The following CHST9 variants were observed in gnomAD, a reference collection of about 807,000 sequenced individuals.
CHST9 encodes the protein carbohydrate sulfotransferase 9.
A neutral mutation model predicts 44.4 loss-of-function variants in CHST9; 41 were observed. The observed-to-expected ratio is 0.92, with a 90% confidence interval of 0.72 to 1.20. The LOEUF is 1.20. Ranked by LOEUF, CHST9 falls within the 50% of genes most tolerant of loss-of-function variation. The pLI, the probability that CHST9 is intolerant of heterozygous loss-of-function variation, is 0.00. For missense variants in CHST9, 504 were observed against 516.5 expected (o/e 0.98, Z 0.23); for synonymous variants, 171 against 178.4 (o/e 0.96, Z 0.33).
At chr18:27,143,462 A>T (rs1255991055) in intron 1 of CHST9, among the ~76,000 whole-genome samples, 3 of 152,180 alleles carry the variant, frequency 2.0e-5, no homozygotes, top group Non-Finnish European at 4.4e-5. Context: ...CTCCCACAAT[A>T]ACATGAAATT....
intron 5 of CHST9, among the ~76,000 whole-genome samples, chr18:26,928,048 C>G (rs1415368020): frequency 6.6e-6 from 1 of 152,164 alleles, no homozygotes; most frequent in Non-Finnish European, 1.5e-5. Flanking sequence ...TCCTGCATAG[C>G]CCTAAATCCA....
chr18:27,079,176 G>T (rs1384983172), intron 2 of CHST9, among the ~76,000 whole-genome samples: 1 of 152,102 alleles, frequency 6.6e-6, no homozygotes, highest in Non-Finnish European at 1.5e-5. Context: ...TACTAAAAGG[G>T]ATTATGGACT....
intron 2 of CHST9, among the ~76,000 whole-genome samples, chr18:27,141,712 A>G (rs1049801282): frequency 4.0e-5 from 6 of 150,118 alleles, no homozygotes; most frequent in African/African-American, 1.5e-4. Context: ...TTTGGAGAAG[A>G]TTCTTAAGGG....
chr18:27,139,547 C>T (rs1287803626), intron 2 of CHST9, among the ~76,000 whole-genome samples: 1 of 151,920 alleles, frequency 6.6e-6, no homozygotes, highest in Non-Finnish European at 1.5e-5. Context: ...TAGAAAACTG[C>T]AGAATTTCAA....
At chr18:27,027,713 G>C (rs961303339) in intron 3 of CHST9, among the ~76,000 whole-genome samples, 1 of 152,052 alleles carries the variant, frequency 6.6e-6, no homozygotes, top group African/African-American at 2.4e-5. Context: ...ATAGAATATA[G>C]CCACATATTT....
intron 4 of CHST9, among the ~76,000 whole-genome samples, chr18:26,960,434 G>C (rs1288031186): frequency 6.6e-6 from 1 of 152,150 alleles, no homozygotes; most frequent in African/African-American, 2.4e-5. Flanking sequence ...TTTGAAGTTT[G>C]GTGTAAGAGC....
intron 4 of CHST9, among the ~76,000 whole-genome samples, chr18:26,974,322 A>G (rs546969133): frequency 5.8e-4 from 89 of 152,370 alleles, no homozygotes; most frequent in African/African-American, 2.1e-3. Context: ...GGTGAATGCA[A>G]CACTTTCTCT....
chr18:27,081,614 C>G (rs2057961702), intron 2 of CHST9, among the ~76,000 whole-genome samples: 1 of 152,132 alleles, frequency 6.6e-6, no homozygotes, highest in South Asian at 2.1e-4. Flanking sequence ...GGGTGTTGAA[C>G]TCACCTCTTT....
At chr18:27,061,835 A>G (rs2057725271) in intron 2 of CHST9, among the ~76,000 whole-genome samples, 1 of 152,158 alleles carries the variant, frequency 6.6e-6, no homozygotes, top group Non-Finnish European at 1.5e-5. Context: ...ATCTAGAGGC[A>G]AAACTCCTTA....
At chr18:27,000,630 A>ACC (rs1555675560) in intron 4 of CHST9, among the ~76,000 whole-genome samples, 43 of 150,586 alleles carry the variant, frequency 2.9e-4, no homozygotes, top group African/African-American at 1.0e-3. Flanking sequence ...TTGTCTATCT[A>ACC]TCTATCTATC....
At chr18:27,120,531 C>T (rs2058365813) in intron 2 of CHST9, among the ~76,000 whole-genome samples, 1 of 152,062 alleles carries the variant, frequency 6.6e-6, no homozygotes, top group Non-Finnish European at 1.5e-5. Context: ...CAACCAATTC[C>T]AGAACTCATG....
At chr18:27,104,416 T>C (rs1165453757) in intron 2 of CHST9, among the ~76,000 whole-genome samples, 3 of 152,336 alleles carry the variant, frequency 2.0e-5, no homozygotes, top group Admixed American at 6.5e-5. Flanking sequence ...AAGTTGTTAC[T>C]TTTGTTTTCT....
chr18:26,955,410 AC>A (rs1282628481), intron 4 of CHST9, among the ~76,000 whole-genome samples: 1 of 152,144 alleles, frequency 6.6e-6, no homozygotes, highest in African/African-American at 2.4e-5. Flanking sequence ...GTTTGAATTT[AC>A]CCAAATTTCT....
intron 2 of CHST9, among the ~76,000 whole-genome samples, chr18:27,112,623 C>CAT (rs1270674668): frequency 1.3e-4 from 17 of 133,188 alleles, no homozygotes; most frequent in South Asian, 6.8e-4. Flanking sequence ...GTGTAGGATA[C>CAT]ATATATATTA....
intron 5 of CHST9, among the ~76,000 whole-genome samples, chr18:26,937,145 G>A (rs1193996975): frequency 4.6e-5 from 7 of 152,074 alleles, no homozygotes; most frequent in Non-Finnish European, 1.5e-5. Context: ...AGTGGGCAAC[G>A]GATTATGCCA....
chr18:27,014,585 A>AAAACAGCC (rs1236302001), intron 4 of CHST9, among the ~76,000 whole-genome samples: 2 of 151,872 alleles, frequency 1.3e-5, no homozygotes, highest in African/African-American at 4.8e-5. Context: ...GCTCCATTAG[A>AAAACAGCC]AAACAGCCAA....
intron 2 of CHST9, among the ~76,000 whole-genome samples, chr18:27,055,746 A>G (rs1568152535): frequency 6.6e-6 from 1 of 152,216 alleles, no homozygotes; most frequent in Non-Finnish European, 1.5e-5. Flanking sequence ...AATCCACCTC[A>G]ATGCAAGATT....
intron 2 of CHST9, among the ~76,000 whole-genome samples, chr18:27,101,816 A>G (rs1182500772): frequency 6.6e-6 from 1 of 152,182 alleles, no homozygotes; most frequent in Non-Finnish European, 1.5e-5. Context: ...GACTGGCGGC[A>G]CAAAATGCTC....
At chr18:27,055,251 A>G (rs1339960271) in intron 2 of CHST9, among the ~76,000 whole-genome samples, 1 of 152,224 alleles carries the variant, frequency 6.6e-6, no homozygotes. Context: ...GAGGAAGAGC[A>G]TAACCACCAG....
Sources: allele counts gnomAD v4.1 joint callset (sites outside exome capture counted in the v4.1 genomes callset), GRCh38; gene constraint gnomAD v4.1.1; transcripts MANE v1.5; gene names NCBI Gene and HGNC (gene_info 2026-07-23, HGNC 2026-07-21).